The following TGFBR3 variants were observed in gnomAD, a reference collection of about 807,000 sequenced individuals.
TGFBR3 encodes the protein transforming growth factor beta receptor 3, also known as transforming growth factor beta receptor type 3.
Under a neutral mutation model 87.9 loss-of-function variants are expected in TGFBR3, and 46 were observed. The observed-to-expected ratio is 0.52, with a 90% CI of 0.41 to 0.67. The LOEUF is 0.67. Among genes scored for constraint, TGFBR3 ranks in the 30% least tolerant of loss-of-function variants. The pLI is 0.00. For missense variants in TGFBR3, 866 were observed against 1,041.9 expected, an observed-to-expected ratio of 0.83 and a Z score of 2.32; for synonymous variants, 381 against 391.6, an observed-to-expected ratio of 0.97 and a Z score of 0.32.
intron 4 of TGFBR3, among the ~76,000 whole-genome samples, chr1:91,752,528 T>C (rs1673582378): frequency 6.6e-6 from 1 of 152,114 alleles, no homozygotes; most frequent in Non-Finnish European, 1.5e-5. Flanking sequence ...TAGATACCCT[T>C]TTTTCCTTAT....
At chr1:91,900,051 A>C (rs1679657372) in intron 1 of TGFBR3, among the ~76,000 whole-genome samples, 1 of 152,218 alleles carries the variant, frequency 6.6e-6, no homozygotes, top group Non-Finnish European at 1.5e-5. Flanking sequence ...TAGTTAAAAA[A>C]AAAAGATTCT....
In TGFBR3 at chr1:91,847,329, C is replaced by T. The variant is rs142280427; in HGVS notation, c.61+14142G>A. 7.5e-3 allele frequency among the ~76,000 whole-genome samples: 1,143 copies of T among 152,134 alleles called. 16 individuals are homozygous for T. The highest frequency in any genetic ancestry group is 0.026 in the African/African-American group (1,073 of 41,502). On this transcript the variant is annotated intron_variant, in intron 2 of 16. Transcript: ENST00000212355. ...ATTATAAGAATAAAGTAGGGCCGGG[C>T]GCGGTGGCTCATGCCTGTAATCCCA...
chr1:91,769,387 C>T (rs537394548), intron 3 of TGFBR3, among the ~76,000 whole-genome samples: 1 of 152,228 alleles, frequency 6.6e-6, no homozygotes, highest in South Asian at 2.1e-4. Flanking sequence ...CATCCTTGGA[C>T]TCGGCCCACA....
At chr1:91,759,759 G>A (rs139120777) in intron 3 of TGFBR3, among the ~76,000 whole-genome samples, 160 of 152,308 alleles carry the variant, frequency 1.1e-3, no homozygotes, top group African/African-American at 3.5e-3. Flanking sequence ...GACAAAAAAG[G>A]ACTTAGGCTA....
At chr1:91,762,208 A>G (rs1028736460) in intron 3 of TGFBR3, among the ~76,000 whole-genome samples, 1 of 152,194 alleles carries the variant, frequency 6.6e-6, no homozygotes, top group Non-Finnish European at 1.5e-5. Flanking sequence ...GTCATGGAAC[A>G]TTTGAGAACT....
At chr1:91,699,342 C>G (rs1571417909) in intron 14 of TGFBR3, among the ~76,000 whole-genome samples, 1 of 151,786 alleles carries the variant, frequency 6.6e-6, no homozygotes, top group Non-Finnish European at 1.5e-5. Context: ...CAGAGCTAGT[C>G]TCTCCCACCC....
At chr1:91,700,146 C>T (rs565331610) in intron 14 of TGFBR3, among the ~76,000 whole-genome samples, 2 of 152,124 alleles carry the variant, frequency 1.3e-5, no homozygotes, top group African/African-American at 4.8e-5. Flanking sequence ...GTATGAGCCA[C>T]AAATAAAAAA....
At chr1:91,861,003 C>T (rs1392218541) in intron 2 of TGFBR3, among the ~76,000 whole-genome samples, 2 of 143,602 alleles carry the variant, frequency 1.4e-5, no homozygotes, top group Admixed American at 1.4e-4. Context: ...AAACTAAATA[C>T]CTCCCAAGCA....
At chr1:91,689,327 G>T (rs1248093600) in intron 16 of TGFBR3, among the ~76,000 whole-genome samples, 1 of 152,156 alleles carries the variant, frequency 6.6e-6, no homozygotes, top group Non-Finnish European at 1.5e-5. Context: ...CTGTAGCTGG[G>T]TTTCTGCCTG....
rs1368813145 is a variant in TGFBR3 at position 91,835,897 on chromosome 1, A to G, written c.61+25574T>C. On this transcript the variant is annotated intron_variant, in intron 2 of 16. Coordinates refer to ENST00000212355, the MANE Select transcript of TGFBR3 (RefSeq NM_003243.5). ...ACTCTACCATGCCCTATGAATACCA[A>G]ATCTTCCCAGATGTAACTTACCCTA... 2.0e-5 allele frequency among the ~76,000 whole-genome samples: 3 copies of G among 151,504 alleles called. No individual in the cohort carries two copies. In the East Asian group the frequency reaches 5.8e-4, roughly 29 times the overall value.
At chr1:91,699,128 C>T (rs917144532) in intron 14 of TGFBR3, among the ~76,000 whole-genome samples, 2 of 152,212 alleles carry the variant, frequency 1.3e-5, no homozygotes, top group Admixed American at 6.5e-5. Flanking sequence ...TATCCTCTCT[C>T]TCCAGCCTCC....
intron 14 of TGFBR3, among the ~76,000 whole-genome samples, chr1:91,698,665 C>A (rs1246507141): frequency 2.0e-5 from 3 of 151,804 alleles, no homozygotes; most frequent in South Asian, 2.1e-4. Flanking sequence ...ACCACACCAG[C>A]TAATTTTTAT....
intron 1 of TGFBR3, among the ~76,000 whole-genome samples, chr1:91,875,999 G>A (rs1052627596): frequency 2.4e-5 from 2 of 84,970 alleles, no homozygotes; most frequent in African/African-American, 9.4e-5. Context: ...AGGAGAACTC[G>A]TTTCAGGGAA....
At chr1:91,830,307 T>A (rs772389823) in intron 2 of TGFBR3, among the ~76,000 whole-genome samples, 2 of 152,168 alleles carry the variant, frequency 1.3e-5, no homozygotes, top group Non-Finnish European at 2.9e-5. Flanking sequence ...TTGGTGCTCG[T>A]CCCCAAGGGC....
chr1:91,864,263 G>A (rs1056404654), intron 1 of TGFBR3: 2 of 152,204 alleles, frequency 1.3e-5, no homozygotes, highest in Non-Finnish European at 2.9e-5. Context: ...AGGGGCTTAA[G>A]CCAGGTCTGA....
intron 3 of TGFBR3, among the ~76,000 whole-genome samples, chr1:91,789,850 C>T (rs1463477057): frequency 6.6e-6 from 1 of 152,206 alleles, no homozygotes; most frequent in African/African-American, 2.4e-5. Context: ...CCTTTCCAGG[C>T]CTGGACTGGC....
chr1:91,782,137 A>C (rs1260477128), intron 3 of TGFBR3, among the ~76,000 whole-genome samples: 2 of 152,130 alleles, frequency 1.3e-5, no homozygotes, highest in Non-Finnish European at 2.9e-5. Context: ...GCCTGCGTGA[A>C]AGCCCTCACG....
Position 91,716,559 on chromosome 1 carries a change from A to G in TGFBR3, c.1707+9T>C, listed in dbSNP as rs1343395786. On this transcript the variant is annotated intron_variant, in intron 11 of 16. Transcript: ENST00000212355. Reference sequence around the variant, plus strand: ...TTCCACAAACCCCCTACTGATAACAAACACATACCACCACGATTTCAGGTC... The same window carrying G: ...TTCCACAAACCCCCTACTGATAACAGACACATACCACCACGATTTCAGGTC... 1 of 1,613,990 alleles carries G rather than the reference A, an allele frequency of 6.2e-7. No individual in the cohort carries two copies. Among genetic ancestry groups the G allele is most frequent in the Admixed American group, 1.7e-5 (1 of 60,010 alleles).
At chr1:91,901,986 T>C (rs1202027943) in intron 1 of TGFBR3, among the ~76,000 whole-genome samples, 1 of 151,878 alleles carries the variant, frequency 6.6e-6, no homozygotes, top group East Asian at 1.9e-4. Context: ...TCAAGGAATT[T>C]ATAGATTTTC....
Sources: allele counts gnomAD v4.1 joint callset (sites outside exome capture counted in the v4.1 genomes callset), GRCh38; gene constraint gnomAD v4.1.1; transcripts MANE v1.5; gene names NCBI Gene and HGNC (gene_info 2026-07-23, HGNC 2026-07-21).